The following DGAT2L6 variants were observed in gnomAD, a reference collection of about 807,000 sequenced individuals.
The protein encoded by DGAT2L6 is diacylglycerol O-acyltransferase 2-like protein 6.
In DGAT2L6, 22 loss-of-function variants were observed where a neutral mutation model predicts 25.5. That is an observed-to-expected ratio of 0.86 (90% CI 0.62 to 1.23). The LOEUF is 1.23. DGAT2L6 is among the 50% of genes most tolerant of loss of function. The probability of loss-of-function intolerance (pLI) is 0.00; values close to 1 mark genes in which losing one functional copy is unlikely to be tolerated. For synonymous variants in DGAT2L6, 100 were observed against 94.7 expected (o/e 1.06, Z -0.32); for missense variants, 287 against 253.2 (o/e 1.13, Z -0.91).
rs756143909 is a variant in DGAT2L6, at chrX:70,195,854, AC to A, written c.86-3416del. Among the ~76,000 whole-genome samples, 3 of 112,277 alleles carry A rather than the reference AC, an allele frequency of 2.7e-5. No homozygotes were observed. The East Asian group carries it at 8.4e-4, about 31-fold the overall frequency. Reference sequence around the variant, plus strand: ...TGTCAAAGGGCACAAAATTTCAGTTACAAAAAGAATAATTTCTGGGAATCTA... The same window carrying A: ...TGTCAAAGGGCACAAAATTTCAGTTAAAAAAGAATAATTTCTGGGAATCTA... On this transcript the variant is annotated intron_variant, in intron 1 of 6. Transcript: ENST00000333026.
chrX:70,201,894 G>A lies in DGAT2L6; in HGVS notation c.477G>A (p.Val159=), dbSNP rs1046553979. The A allele has an allele frequency of 1.0e-5, 12 of 1,184,790 alleles. No homozygotes were observed. The African/African-American group carries it at 2.1e-4, about 21-fold the overall frequency. The change falls in exon 5 of 7, where the codon GTG becomes GTA. Residue 159 remains valine, a synonymous_variant. Transcript: ENST00000333026. ...CTTGACTCTTTGGTTTCACAGGTGT[G>A]TGCCCTGTGAGTAGCTCAGCCTTGA... ...IVREYVMSMG[V]CPVSSSALKY...
At chrX:70,180,178 C>T (rs979967403) in intron 1 of DGAT2L6, among the ~76,000 whole-genome samples, 3 of 110,545 alleles carry the variant, frequency 2.7e-5, no homozygotes, top group African/African-American at 6.6e-5. Flanking sequence ...GGGCCAGGTG[C>T]GGTGGCTCAC....
chrX:70,203,451 C>A (rs1235128558), intron 5 of DGAT2L6, among the ~76,000 whole-genome samples: 2 of 111,927 alleles, frequency 1.8e-5, no homozygotes, highest in African/African-American at 6.5e-5. Flanking sequence ...TGGGTAACAT[C>A]TGAACTGTGA....
At chrX:70,178,437 C>CT (rs943142877) in intron 1 of DGAT2L6, among the ~76,000 whole-genome samples, 3 of 110,729 alleles carry the variant, frequency 2.7e-5, no homozygotes, top group African/African-American at 9.9e-5. Flanking sequence ...TCTGAGGCAG[C>CT]TTTTTTTTGT....
intron 1 of DGAT2L6, among the ~76,000 whole-genome samples, chrX:70,191,479 A>T (rs1226143939): frequency 2.7e-5 from 3 of 112,019 alleles, no homozygotes; most frequent in African/African-American, 9.7e-5. Context: ...AAACAAAAAA[A>T]GAAAAAAAAT....
chrX:70,199,679 A>G, intron 2 of DGAT2L6, 133 bp from the exon 3 acceptor site: 1 of 565,348 alleles, frequency 1.8e-6, no homozygotes, highest in Non-Finnish European at 2.8e-6. Context: ...CAGGGACAGT[A>G]CTTACAGTTC....
intron 1 of DGAT2L6, among the ~76,000 whole-genome samples, chrX:70,181,130 C>T (rs183608372): frequency 1.8e-5 from 2 of 112,338 alleles, no homozygotes; most frequent in African/African-American, 6.5e-5. Context: ...AATTGCCATC[C>T]TGTTTTCCTC....
chrX:70,183,859 C>T (rs1376964621), intron 1 of DGAT2L6, among the ~76,000 whole-genome samples: 1 of 107,649 alleles, frequency 9.3e-6, no homozygotes, highest in Non-Finnish European at 1.9e-5. Context: ...AGTGAGACTC[C>T]ATCTCTACAG....
Position 70,199,277 on chromosome X carries a change from T to C in DGAT2L6, c.92T>C (p.Ile31Thr). Residue 31 changes from isoleucine (I) to threonine (T), a missense_variant, in exon 2 of 7, where the codon ATT becomes ACT. Transcript: ENST00000333026. Reference protein sequence around the residue: ...WIPVYIFLGAIPILLIPYFLL... With the variant: ...WIPVYIFLGATPILLIPYFLL... ...ACCCTTTGTGTCTCCCCAGGAGCTA[T>C]TCCCATTCTCCTTATACCCTACTTT... 1.7e-6 allele frequency: 2 copies of C among 1,176,991 alleles called. No homozygotes were observed. Among genetic ancestry groups the C allele is most frequent in the Non-Finnish European group, 2.3e-6 (2 of 873,581 alleles).
At chrX:70,182,131 TTAC>T (rs2085345155) in intron 1 of DGAT2L6, among the ~76,000 whole-genome samples, 1 of 110,717 alleles carries the variant, frequency 9.0e-6, no homozygotes, top group Non-Finnish European at 1.9e-5. Context: ...TCATAGCTGA[TTAC>T]TGAGCATTAC....
At chrX:70,199,661 A>T in intron 2 of DGAT2L6, 151 bp from the exon 3 acceptor site, 1 of 522,459 alleles carries the variant, frequency 1.9e-6, no homozygotes, top group South Asian at 3.2e-5. Flanking sequence ...TGTCTTGGGG[A>T]TTGGATTCAG....
At chrX:70,194,363 A>G (rs1420886344) in intron 1 of DGAT2L6, among the ~76,000 whole-genome samples, 1 of 111,962 alleles carries the variant, frequency 8.9e-6, no homozygotes, top group African/African-American at 3.2e-5. Flanking sequence ...GAAAATTCCA[A>G]TGACATTTTT....
At chrX:70,201,825 G>A in intron 4 of DGAT2L6, 65 bp from the exon 5 acceptor site, 1 of 1,057,615 alleles carries the variant, frequency 9.5e-7, no homozygotes, top group Middle Eastern at 3.0e-4. Context: ...GAAGAGCCTG[G>A]GAAAACCCCT....
At chrX:70,199,908 TC>T (rs1383931984) in intron 3 of DGAT2L6, 26 bp downstream of exon 3, 25 of 1,181,101 alleles carry the variant, frequency 2.1e-5, no homozygotes, top group Non-Finnish European at 2.8e-5. Context: ...CGGGGTGCCC[TC>T]AGTCCCTGTT....
chrX:70,197,451 C>T (rs2085395653), intron 1 of DGAT2L6, among the ~76,000 whole-genome samples: 1 of 111,708 alleles, frequency 9.0e-6, no homozygotes, highest in South Asian at 3.8e-4. Context: ...GGTAAGGGCT[C>T]TTAGACCGCC....
At chrX:70,190,867 G>A (rs1987035817) in intron 1 of DGAT2L6, among the ~76,000 whole-genome samples, 1 of 112,134 alleles carries the variant, frequency 8.9e-6, no homozygotes, top group African/African-American at 3.2e-5. Flanking sequence ...AACCTGGCAG[G>A]AGGCACACCT....
intron 1 of DGAT2L6, among the ~76,000 whole-genome samples, chrX:70,191,547 C>T (rs1458743968): frequency 9.0e-6 from 1 of 111,202 alleles, no homozygotes; most frequent in Non-Finnish European, 1.9e-5. Context: ...AATGAATCTA[C>T]TAATTATGGG....
intron 5 of DGAT2L6, 111 bp downstream of exon 5, chrX:70,202,175 C>T: frequency 2.9e-6 from 2 of 695,494 alleles, no homozygotes; most frequent in Non-Finnish European, 2.0e-6. Context: ...CATCTTCACT[C>T]TAATTCCTTC....
At chrX:70,201,839 C>G in intron 4 of DGAT2L6, 51 bp from the exon 5 acceptor site, 1 of 1,107,874 alleles carries the variant, frequency 9.0e-7, no homozygotes, top group South Asian at 2.3e-5. Context: ...AACCCCTTAC[C>G]CCATCCTCAG....
Sources: gnomAD v4.1 joint callset for allele counts (sites outside exome capture counted in the v4.1 genomes callset) on GRCh38, gnomAD v4.1.1 for gene constraint, MANE v1.5 for transcripts, NCBI Gene and HGNC (gene_info 2026-07-23, HGNC 2026-07-21) for gene names.